IFI27L1: variants seen among roughly 807,000 people sequenced by gnomAD.
The protein encoded by IFI27L1 is interferon alpha-inducible protein 27-like protein 1.
IFI27L1 carries 3 observed loss-of-function variants against 9.2 expected under a neutral mutation model. The observed-to-expected ratio is 0.32, with a 90% CI of 0.15 to 0.84. The LOEUF (loss-of-function observed/expected upper bound fraction) is 0.84. IFI27L1 is among the 40% of genes least tolerant of loss of function. The pLI is 0.56. For missense variants in IFI27L1, 133 were observed against 134.2 expected, an observed-to-expected ratio of 0.99 and a Z score of 0.05; for synonymous variants, 53 against 50.0, an observed-to-expected ratio of 1.06 and a Z score of -0.26.
chr14:94,101,137 A>C (rs967851136), intron 3 of IFI27L1: 2 of 436,982 alleles, frequency 4.6e-6, no homozygotes, highest in Non-Finnish European at 8.3e-6. Context: ...CTCATTCCTC[A>C]AAAGTATTTG....
intron 4 of IFI27L1, 188 bp downstream of exon 4, chr14:94,102,163 G>A (rs2139277546): frequency 1.5e-6 from 1 of 653,996 alleles, no homozygotes. Context: ...TGCATTCCTG[G>A]TGAACCCTAC....
chr14:94,082,957 A>G (rs1595385108), intron 1 of IFI27L1, among the ~76,000 whole-genome samples: 1 of 152,246 alleles, frequency 6.6e-6, no homozygotes, highest in Non-Finnish European at 1.5e-5. Context: ...TCGTAAGGCT[A>G]TGGCTGCCAT....
intron 2 of IFI27L1, among the ~76,000 whole-genome samples, chr14:94,100,041 C>G (rs1226293424): frequency 8.5e-5 from 13 of 152,126 alleles, no homozygotes; most frequent in Non-Finnish European, 2.9e-5. Flanking sequence ...GTGGGCAGCA[C>G]AGGCCTAGGG....
intron 1 of IFI27L1, among the ~76,000 whole-genome samples, chr14:94,088,545 G>A (rs1886362990): frequency 6.8e-6 from 1 of 146,952 alleles, no homozygotes; most frequent in Non-Finnish European, 1.5e-5. Context: ...TGTCGCCCAG[G>A]TTGGAGTGCA....
chr14:94,100,910 G>A, intron 3 of IFI27L1, 139 bp downstream of exon 3: 1 of 927,752 alleles, frequency 1.1e-6, no homozygotes, highest in Non-Finnish European at 1.7e-6. Context: ...CAGAGTGATG[G>A]GGACCTTAGA....
intron 1 of IFI27L1, among the ~76,000 whole-genome samples, chr14:94,085,736 C>T (rs552718502): frequency 6.6e-6 from 1 of 152,202 alleles, no homozygotes; most frequent in Non-Finnish European, 1.5e-5. Flanking sequence ...TCCATATCAT[C>T]ATATAAGTAT....
At chr14:94,093,969 C>G (rs778476784) in intron 1 of IFI27L1, among the ~76,000 whole-genome samples, 1 of 152,014 alleles carries the variant, frequency 6.6e-6, no homozygotes, top group Non-Finnish European at 1.5e-5. Context: ...GTGACAGAAT[C>G]GGGGTGGGAA....
chr14:94,096,975 G>GCACATGA lies in IFI27L1; in HGVS notation c.28+11_28+17dup, dbSNP rs770982191. 6.2e-7 allele frequency: 1 copy of GCACATGA among 1,608,994 alleles called. No homozygotes were observed. The highest frequency in any genetic ancestry group is 8.5e-7 in the Non-Finnish European group (1 of 1,176,964). ...AGTGGATGGGACTCAGGTGGGTACT[G>GCACATGA]CACATGATTCTGGGGGCTGCTGGTC... On this transcript the variant is annotated intron_variant, in intron 2 of 4. Coordinates refer to ENST00000555523, the MANE Select transcript of IFI27L1 (RefSeq NM_206949.3).
intron 3 of IFI27L1, 120 bp from the exon 4 acceptor site, chr14:94,101,694 C>G (rs1886902235): frequency 7.1e-6 from 7 of 990,402 alleles, no homozygotes; most frequent in Non-Finnish European, 1.1e-5. Context: ...GGATCCCATC[C>G]CTGCTCAGTC....
chr14:94,084,240 A>T (rs1886205619), intron 1 of IFI27L1, among the ~76,000 whole-genome samples: 1 of 152,048 alleles, frequency 6.6e-6, no homozygotes, highest in Admixed American at 6.6e-5. Flanking sequence ...AGTGGCTCAC[A>T]CCTGTAATTC....
chr14:94,097,245 T>C (rs1396249379), intron 2 of IFI27L1, among the ~76,000 whole-genome samples: 2 of 152,206 alleles, frequency 1.3e-5, no homozygotes, highest in African/African-American at 4.8e-5. Flanking sequence ...TTTGAAACAA[T>C]GATCCTTGGC....
chr14:94,083,760 G>A (rs75051270), intron 1 of IFI27L1, among the ~76,000 whole-genome samples: 2,871 of 152,288 alleles, frequency 0.019, 95 homozygotes, highest in African/African-American at 0.065. Flanking sequence ...AAAGAGTTGA[G>A]TAAATTGTTT....
intron 1 of IFI27L1, among the ~76,000 whole-genome samples, chr14:94,086,149 T>C (rs1006051580): frequency 6.6e-6 from 1 of 151,154 alleles, no homozygotes; most frequent in African/African-American, 2.5e-5. Context: ...TCACTCTGAG[T>C]TCATGTGAGA....
Position 94,101,960 on chromosome 14 carries a change from A to C in IFI27L1, c.208A>C (p.Ile70Leu), listed in dbSNP as rs1209712784. Residue 70 changes from isoleucine to leucine, a missense_variant, in exon 4 of 5, where the codon ATT (isoleucine) becomes CTT (leucine). Physicochemically the swap from Ile to Leu is conservative, Grantham distance 5. Transcript: ENST00000555523. Reference protein sequence around the residue: ...GGVAAGSLVAILQSVGAAGLS... With the variant: ...GGVAAGSLVALLQSVGAAGLS... ...AGTTGCTGCTGGCAGTCTGGTGGCT[A>C]TTCTGCAGTCAGTGGGTGAGTGTTC... The C allele has an allele frequency of 1.9e-6, 3 of 1,614,218 alleles. No homozygotes were observed. The highest frequency in any genetic ancestry group is 2.5e-6 in the Non-Finnish European group (3 of 1,180,030).
At chr14:94,087,422 T>G (rs1003356726) in intron 1 of IFI27L1, among the ~76,000 whole-genome samples, 4 of 152,214 alleles carry the variant, frequency 2.6e-5, no homozygotes, top group Non-Finnish European at 5.9e-5. Context: ...TTGTTATTTT[T>G]ATTTTTATTT....
rs1202653240 is a variant in IFI27L1, at chr14:94,099,397, G to A, written c.29-1342G>A. ...CGACAGAGGCAAGAGAGGAGGTGGT[G>A]CAGGTTTGAAGATCCAGGGAGAAGT... On this transcript the variant is annotated intron_variant, in intron 2 of 4. Transcript: ENST00000555523. 3.3e-5 allele frequency among the ~76,000 whole-genome samples: 5 copies of A among 152,314 alleles called. No individual in the cohort carries two copies. In the East Asian group the frequency reaches 9.7e-4, roughly 29 times the overall value.
intron 1 of IFI27L1, among the ~76,000 whole-genome samples, chr14:94,085,015 C>A (rs1439840379): frequency 6.6e-6 from 1 of 152,034 alleles, no homozygotes; most frequent in East Asian, 1.9e-4. Context: ...AAAAAGTAAT[C>A]AAGATCAAGA....
At chr14:94,099,363 T>C (rs988600839) in intron 2 of IFI27L1, among the ~76,000 whole-genome samples, 2 of 151,964 alleles carry the variant, frequency 1.3e-5, no homozygotes, top group African/African-American at 4.8e-5. Flanking sequence ...TCTTGGTGAA[T>C]TAGGACCCCG....
rs530176513 is a variant in IFI27L1, at chr14:94,093,521, C to G, written c.-51-3366C>G. On this transcript the variant is annotated intron_variant, in intron 1 of 4. Coordinates refer to ENST00000555523, the MANE Select transcript of IFI27L1 (RefSeq NM_206949.3). Reference sequence around the variant, plus strand: ...TTTTGTATGGAGAACATCCCTCCATCCCACATAGAAGATTTATAGTATGAA... The same window carrying G: ...TTTTGTATGGAGAACATCCCTCCATGCCACATAGAAGATTTATAGTATGAA... 3.3e-5 allele frequency among the ~76,000 whole-genome samples: 5 copies of G among 152,238 alleles called. No homozygotes were observed. In the South Asian group the frequency reaches 1.0e-3, roughly 32 times the overall value.
Sources: allele counts gnomAD v4.1 joint callset (sites outside exome capture counted in the v4.1 genomes callset), GRCh38; gene constraint gnomAD v4.1.1; transcripts MANE v1.5; gene names NCBI Gene and HGNC (gene_info 2026-07-23, HGNC 2026-07-21).